Variants in CADM2 observed in about 807,000 individuals in gnomAD.
CADM2 encodes the protein cell adhesion molecule 2.
In CADM2, 12 loss-of-function variants were observed where a neutral mutation model predicts 49.8. That is an observed-to-expected ratio of 0.24 (90% CI 0.15 to 0.39). The LOEUF (loss-of-function observed/expected upper bound fraction) is 0.39. Ranked by LOEUF, CADM2 falls within the 10% of genes least tolerant of loss-of-function variation. The pLI is 1.00. For missense variants in CADM2, 378 were observed against 492.3 expected (o/e 0.77, Z 2.20); for synonymous variants, 214 against 175.4 (o/e 1.22, Z -1.74).
At chr3:85,409,331 G>A (rs1559825216) in intron 1 of CADM2, among the ~76,000 whole-genome samples, 1 of 152,058 alleles carries the variant, frequency 6.6e-6, no homozygotes, top group Non-Finnish European at 1.5e-5. Flanking sequence ...CTAATATTAT[G>A]AGATTATATT....
intron 3 of CADM2, among the ~76,000 whole-genome samples, chr3:85,853,521 A>C (rs1362546646): frequency 6.6e-6 from 1 of 152,108 alleles, no homozygotes; most frequent in African/African-American, 2.4e-5. Context: ...TTAAATTGCT[A>C]GAATGTCATA....
intron 1 of CADM2, among the ~76,000 whole-genome samples, chr3:85,212,896 C>CTCTTTCTTTT (rs1559723954): frequency 8.5e-6 from 1 of 117,900 alleles, no homozygotes; most frequent in African/African-American, 4.3e-5. Flanking sequence ...CTCTTTCTTT[C>CTCTTTCTTTT]TTTTAATGGA....
chr3:85,403,070 G>C (rs767067273), intron 1 of CADM2, among the ~76,000 whole-genome samples: 4 of 151,988 alleles, frequency 2.6e-5, no homozygotes, highest in Non-Finnish European at 5.9e-5. Flanking sequence ...TATTTGCTAG[G>C]TATTAATAGT....
intron 1 of CADM2, among the ~76,000 whole-genome samples, chr3:85,456,112 A>G (rs186350085): frequency 1.2e-4 from 19 of 152,346 alleles, no homozygotes; most frequent in Admixed American, 4.6e-4. Context: ...CTGTCAGTGC[A>G]TCTGAAGCAC....
At chr3:85,287,905 C>G (rs542772857) in intron 1 of CADM2, among the ~76,000 whole-genome samples, 1 of 139,134 alleles carries the variant, frequency 7.2e-6, no homozygotes, top group Non-Finnish European at 1.5e-5. Context: ...AATGAGAACA[C>G]ATGGACACAG....
At chr3:85,753,058 C>A (rs1169390152) in intron 2 of CADM2, among the ~76,000 whole-genome samples, 1 of 151,710 alleles carries the variant, frequency 6.6e-6, no homozygotes, top group African/African-American at 2.4e-5. Flanking sequence ...GATCTGCTTT[C>A]TATGATTGAT....
chr3:85,295,340 G>C (rs1349147833), intron 1 of CADM2, among the ~76,000 whole-genome samples: 1 of 152,114 alleles, frequency 6.6e-6, no homozygotes, highest in Non-Finnish European at 1.5e-5. Flanking sequence ...TACACTGTTG[G>C]TGGGACTGTA....
At chr3:85,694,700 C>G (rs1200696907) in intron 1 of CADM2, among the ~76,000 whole-genome samples, 1 of 152,088 alleles carries the variant, frequency 6.6e-6, no homozygotes, top group African/African-American at 2.4e-5. Flanking sequence ...GACACACTCC[C>G]AGCTGCCCCT....
intron 3 of CADM2, among the ~76,000 whole-genome samples, chr3:85,873,089 C>T (rs1411049808): frequency 2.0e-5 from 3 of 152,150 alleles, no homozygotes; most frequent in Non-Finnish European, 4.4e-5. Flanking sequence ...AGGGCACTTC[C>T]CAAAACTTCT....
At chr3:85,381,278 T>C (rs2033888637) in intron 1 of CADM2, among the ~76,000 whole-genome samples, 1 of 147,748 alleles carries the variant, frequency 6.8e-6, no homozygotes. Context: ...TCTTATGTTT[T>C]CTGCTGGTTA....
At chr3:85,817,121 C>T (rs1191630336) in intron 3 of CADM2, among the ~76,000 whole-genome samples, 1 of 152,200 alleles carries the variant, frequency 6.6e-6, no homozygotes, top group African/African-American at 2.4e-5. Flanking sequence ...CATTTTGCAG[C>T]TCTGGTGAAA....
intron 6 of CADM2, among the ~76,000 whole-genome samples, chr3:85,919,968 T>G (rs1410077709): frequency 6.6e-6 from 1 of 151,956 alleles, no homozygotes; most frequent in Admixed American, 6.6e-5. Context: ...ATTTCATGTA[T>G]TCTTGGCTGT....
chr3:85,770,356 G>A (rs1208130690), intron 2 of CADM2, among the ~76,000 whole-genome samples: 2 of 152,014 alleles, frequency 1.3e-5, no homozygotes, highest in Admixed American at 1.3e-4. Context: ...CACCTGGGCT[G>A]GAGTGCAGCG....
rs1487518932 is a variant in CADM2 at position 85,497,487 on chromosome 3, A to T, written c.62-229035A>T. Among the ~76,000 whole-genome samples the T allele has an allele frequency of 7.2e-5, 11 of 152,280 alleles. 1 individual carries two copies. The highest frequency in any genetic ancestry group is 2.4e-4 in the African/African-American group (10 of 41,582). ...AGAACGAACTTTTATTTGATGAAAAAGATGAATATAAAAGAGTATTTTAAA... is the reference window on the plus strand; with the variant it reads ...AGAACGAACTTTTATTTGATGAAAATGATGAATATAAAAGAGTATTTTAAA... On this transcript the variant is annotated intron_variant, in intron 1 of 9. Transcript: ENST00000383699.
chr3:85,850,475 C>T (rs1178811338), intron 3 of CADM2, among the ~76,000 whole-genome samples: 2 of 152,016 alleles, frequency 1.3e-5, no homozygotes, highest in African/African-American at 2.4e-5. Context: ...CAGGCGCCCG[C>T]CACCACGCTC....
At chr3:85,958,331 G>A (rs1038891363) in intron 7 of CADM2, among the ~76,000 whole-genome samples, 3 of 151,938 alleles carry the variant, frequency 2.0e-5, no homozygotes, top group Admixed American at 6.6e-5. Flanking sequence ...AAATAGGAAC[G>A]CTTTTATACT....
intron 2 of CADM2, among the ~76,000 whole-genome samples, chr3:85,780,798 A>C (rs1266686109): frequency 6.6e-6 from 1 of 152,126 alleles, no homozygotes; most frequent in Admixed American, 6.6e-5. Flanking sequence ...AATAGCTGCT[A>C]TTTTGATCAT....
chr3:85,012,850 C>T (rs1416484321), intron 1 of CADM2, among the ~76,000 whole-genome samples: 1 of 151,530 alleles, frequency 6.6e-6, no homozygotes, highest in Non-Finnish European at 1.5e-5. Context: ...AGCCAATTAT[C>T]TGCATTGCTA....
intron 1 of CADM2, among the ~76,000 whole-genome samples, chr3:85,427,200 A>ATATG (rs1491378560): frequency 7.9e-6 from 1 of 126,612 alleles, no homozygotes; most frequent in African/African-American, 2.8e-5. Context: ...ATATATATAT[A>ATATG]TGTATAATAA....
Sources: gnomAD v4.1 joint callset for allele counts (sites outside exome capture counted in the v4.1 genomes callset) on GRCh38, gnomAD v4.1.1 for gene constraint, MANE v1.5 for transcripts, NCBI Gene and HGNC (gene_info 2026-07-23, HGNC 2026-07-21) for gene names.